RBM27: variants seen among roughly 807,000 people sequenced by gnomAD.
RBM27 encodes RNA-binding protein 27.
Under a neutral mutation model 135.3 loss-of-function variants are expected in RBM27, and 22 were observed. The ratio of observed to expected loss-of-function variants is 0.16; its 90% CI spans 0.12 to 0.23. RBM27 has a LOEUF of 0.23. RBM27 is among the 10% of genes least tolerant of loss of function. The pLI is 1.00. For missense variants in RBM27, 1,009 were observed against 1,281.0 expected (o/e 0.79, Z 3.24); for synonymous variants, 481 against 442.4 (o/e 1.09, Z -1.10).
In RBM27 at chr5:146,261,445, G is replaced by A. The variant is rs144683256; in HGVS notation, c.1894-65G>A. The stretch of plus-strand genomic sequence containing the variant: ...TGGGGAAAACATTCATTACATAGCA[G>A]TGGGTCATAATTTATTTAACTATTT... On this transcript the variant is annotated intron_variant, in intron 12 of 20. Transcript: ENST00000265271. 3.0e-6 allele frequency: 4 copies of A among 1,341,182 alleles called. No homozygotes were observed. In the East Asian group the frequency reaches 7.1e-5, roughly 24 times the overall value. The allele number at this position is 1,341,182 out of a possible 1,614,324, so 83.1% of individuals were successfully genotyped here.
chr5:146,283,447 G>T (rs1759449983), intron 19 of RBM27, among the ~76,000 whole-genome samples: 1 of 152,056 alleles, frequency 6.6e-6, no homozygotes, highest in Non-Finnish European at 1.5e-5. Context: ...TGAAGTGGGA[G>T]GATCACTTGG....
intron 5 of RBM27, 144 bp downstream of exon 5, chr5:146,230,054 A>G: frequency 1.0e-6 from 1 of 960,930 alleles, no homozygotes; most frequent in Non-Finnish European, 1.5e-6. Context: ...CTCAATATCC[A>G]TTTTGTTAGA....
At chr5:146,281,820 T>G (rs916407992) in intron 19 of RBM27, among the ~76,000 whole-genome samples, 1 of 152,176 alleles carries the variant, frequency 6.6e-6, no homozygotes, top group Non-Finnish European at 1.5e-5. Flanking sequence ...AATATTAGAG[T>G]AGTATTCTGC....
chr5:146,288,871 G>T lies in RBM27; in HGVS notation c.*2841G>T, dbSNP rs562359024. 1.8e-4 allele frequency: 27 copies of T among 152,126 alleles called. No individual in the cohort carries two copies. The highest frequency in any genetic ancestry group is 1.4e-3 in the Admixed American group (22 of 15,270). 9.4% of individuals were successfully genotyped at this position (152,126 alleles called of 1,614,324 possible). A position where few individuals can be genotyped will look rare whatever the true frequency, so the allele number is the denominator to read the frequency against. On this transcript the variant is annotated 3_prime_UTR_variant, in exon 21 of 21. Coordinates refer to ENST00000265271, the MANE Select transcript of RBM27 (RefSeq NM_018989.2). Reference sequence around the variant, plus strand: ...CTTGTTAAGGTGAAAGGGGTCCTTGGTGATGGATCATTATTTCAAAAAAGA... The same window carrying T: ...CTTGTTAAGGTGAAAGGGGTCCTTGTTGATGGATCATTATTTCAAAAAAGA...
At chr5:146,248,361 C>T (rs772325546) in intron 8 of RBM27, among the ~76,000 whole-genome samples, 1 of 151,834 alleles carries the variant, frequency 6.6e-6, no homozygotes, top group Non-Finnish European at 1.5e-5. Flanking sequence ...TAGAATTAGC[C>T]CTTTGTCTAA....
intron 5 of RBM27, 55 bp from the exon 6 acceptor site, chr5:146,230,602 G>C: frequency 7.7e-6 from 12 of 1,548,556 alleles, no homozygotes; most frequent in Non-Finnish European, 9.7e-6. Flanking sequence ...TATAGTTTAA[G>C]AACATGAAAT....
chr5:146,269,495 G>A lies in RBM27; in HGVS notation c.2602G>A (p.Glu868Lys), dbSNP rs780516904. The change falls in exon 17 of 21, where the codon GAG becomes AAG. Residue 868 changes from glutamate to lysine, a missense_variant. Physicochemically the swap from Glu to Lys is moderately conservative, Grantham distance 56. Coordinates refer to ENST00000265271, the MANE Select transcript of RBM27 (RefSeq NM_018989.2). The part of the protein sequence containing the change: ...ERANIMKTLK[E>K]LGEKISQLKD... Reference sequence around the variant, plus strand: ...AGCAAATATAATGAAGACTTTGAAAGAGCTTGGAGAGAAGATCTCACAATT... The same window carrying A: ...AGCAAATATAATGAAGACTTTGAAAAAGCTTGGAGAGAAGATCTCACAATT... 1.3e-6 allele frequency: 2 copies of A among 1,584,162 alleles called. No individual in the cohort carries two copies. Among genetic ancestry groups the A allele is most frequent in the Non-Finnish European group, 1.7e-6 (2 of 1,167,464 alleles).
Position 146,230,761 on chromosome 5 carries a change from G to A in RBM27, c.694G>A (p.Gly232Arg). 6.2e-7 allele frequency: 1 copy of A among 1,614,036 alleles called. No homozygotes were observed. The highest frequency in any genetic ancestry group is 8.5e-7 in the Non-Finnish European group (1 of 1,179,918). The change falls in exon 6 of 21, where the codon GGG becomes AGG. Residue 232 changes from glycine (G) to arginine (R), a missense_variant. Transcript: ENST00000265271. ...PPNSSEQYSSGAQSIPSTVTV... is the reference protein window; with the variant it reads ...PPNSSEQYSSRAQSIPSTVTV... ...AAACTCTTCTGAGCAGTATTCCTCT[G>A]GGGCACAGTCTATTCCCAGCACTGT...
chr5:146,219,169 G>T, intron 2 of RBM27, 66 bp downstream of exon 2: 1 of 1,175,830 alleles, frequency 8.5e-7, no homozygotes, highest in Non-Finnish European at 1.2e-6. Context: ...TTCCTGAAAA[G>T]TCTTGGAGAT....
chr5:146,261,849 C>G (rs748532208), intron 13 of RBM27, 43 bp downstream of exon 13: 2 of 1,597,700 alleles, frequency 1.3e-6, no homozygotes, highest in East Asian at 4.5e-5. Context: ...TAGTTACACC[C>G]TCTAGATCAG....
chr5:146,258,018 C>T (rs531430426), intron 10 of RBM27, among the ~76,000 whole-genome samples: 2 of 152,210 alleles, frequency 1.3e-5, no homozygotes, highest in South Asian at 2.1e-4. Flanking sequence ...GGGGTTTCCC[C>T]ATGTTGGTCA....
At chr5:146,241,996 G>T (rs1319597975) in intron 8 of RBM27, among the ~76,000 whole-genome samples, 1 of 152,024 alleles carries the variant, frequency 6.6e-6, no homozygotes, top group East Asian at 1.9e-4. Flanking sequence ...TTGCTTTGTT[G>T]CCCAGGCTGG....
At chr5:146,271,775 A>G in intron 19 of RBM27, 101 bp downstream of exon 19, 6 of 1,070,652 alleles carry the variant, frequency 5.6e-6, no homozygotes. Flanking sequence ...AGATTAGAAA[A>G]ATTAGTTGTA....
In RBM27 at chr5:146,261,680, C is replaced by G. The variant is rs150805376; in HGVS notation, c.2064C>G (p.Leu688=). 12 of 1,614,156 alleles carry G rather than the reference C, an allele frequency of 7.4e-6. No individual in the cohort carries two copies. In the South Asian group the frequency reaches 7.7e-5, roughly 10 times the overall value. The change falls in exon 13 of 21, where the codon CTC becomes CTG. Residue 688 remains leucine, a synonymous_variant. Transcript: ENST00000265271. Reference sequence around the variant, plus strand: ...CACTACAGTCCTCAGCACAGCTGCTCCTGCAACAACAGCAAACACTTAGTC... The same window carrying G: ...CACTACAGTCCTCAGCACAGCTGCTGCTGCAACAACAGCAAACACTTAGTC... ...QPTLQSSAQL[L]LQQQQTLSHL...
At chr5:146,230,016 G>A in intron 5 of RBM27, 106 bp downstream of exon 5, 2 of 1,314,954 alleles carry the variant, frequency 1.5e-6, no homozygotes, top group East Asian at 2.4e-5. Context: ...TGTCTGAGCA[G>A]TGTAAAAACT....
intron 1 of RBM27, among the ~76,000 whole-genome samples, chr5:146,211,006 C>T (rs1314208455): frequency 6.6e-6 from 1 of 151,394 alleles, no homozygotes; most frequent in East Asian, 1.9e-4. Flanking sequence ...GCATTGTGGG[C>T]TCATGCCTGT....
chr5:146,269,785 A>G (rs1244333784), intron 17 of RBM27, among the ~76,000 whole-genome samples: 2 of 126,644 alleles, frequency 1.6e-5, no homozygotes, highest in South Asian at 2.4e-4. Flanking sequence ...AGGTCTCACT[A>G]TATTGCCCAG....
intron 19 of RBM27, among the ~76,000 whole-genome samples, chr5:146,280,400 A>G (rs1759286178): frequency 6.6e-6 from 1 of 152,188 alleles, no homozygotes; most frequent in Non-Finnish European, 1.5e-5. Context: ...TCAACTAAAA[A>G]TGTTTATAAA....
At chr5:146,230,999 A>G (rs1756905928) in intron 6 of RBM27, 82 bp downstream of exon 6, 2 of 1,400,676 alleles carry the variant, frequency 1.4e-6, no homozygotes, top group Non-Finnish European at 2.0e-6. Flanking sequence ...TCTTTTAGTT[A>G]TAGTCCAGTT....
Sources: allele counts gnomAD v4.1 joint callset (sites outside exome capture counted in the v4.1 genomes callset), GRCh38; gene constraint gnomAD v4.1.1; transcripts MANE v1.5; gene names NCBI Gene and HGNC (gene_info 2026-07-23, HGNC 2026-07-21).